COL25A1: variants seen among roughly 807,000 people sequenced by gnomAD.
COL25A1 encodes collagen alpha-1(XXV) chain.
COL25A1 carries 103 observed loss-of-function variants against 128.4 expected under a neutral mutation model. That is an observed-to-expected ratio of 0.80 (90% CI 0.68 to 0.94). The LOEUF is 0.94. COL25A1 is among the 40% of genes least tolerant of loss of function. COL25A1 has a pLI of 0.00. For synonymous variants in COL25A1, 279 were observed against 277.2 expected, an observed-to-expected ratio of 1.01 and a Z score of -0.06; for missense variants, 745 against 840.0, an observed-to-expected ratio of 0.89 and a Z score of 1.40.
At chr4:109,031,368 G>A (rs183697788) in intron 5 of COL25A1, among the ~76,000 whole-genome samples, 381 of 150,962 alleles carry the variant, frequency 2.5e-3, no homozygotes, top group Non-Finnish European at 4.7e-3. Context: ...CGCCCGCCTC[G>A]GCCTCCCAAA....
At chr4:109,054,491 A>G (rs967524422) in intron 3 of COL25A1, among the ~76,000 whole-genome samples, 3 of 152,194 alleles carry the variant, frequency 2.0e-5, no homozygotes, top group Non-Finnish European at 4.4e-5. Context: ...TTTCCGTGCT[A>G]TATTACTGTC....
Position 109,050,131 on chromosome 4 carries a change from T to A in COL25A1, c.412+4A>T. On this transcript the variant is annotated splice_donor_region_variant and intron_variant, in intron 4 of 37. Transcript: ENST00000399132. ...GACACAGAGCAGCTGAAAGAGAGAC[T>A]TACCAGATTCTCCTCTTCGGCCTCT... 1 of 1,608,946 alleles carries A rather than the reference T, an allele frequency of 6.2e-7. No individual in the cohort carries two copies. Among genetic ancestry groups the A allele is most frequent in the Non-Finnish European group, 8.5e-7 (1 of 1,176,634 alleles).
chr4:108,858,328 T>C (rs1736759943), intron 24 of COL25A1, among the ~76,000 whole-genome samples: 1 of 151,934 alleles, frequency 6.6e-6, no homozygotes, highest in African/African-American at 2.4e-5. Flanking sequence ...GTCAAGGAGC[T>C]GTTGCTGTAT....
chr4:109,060,385 C>A (rs566885137), intron 3 of COL25A1, among the ~76,000 whole-genome samples: 1 of 152,136 alleles, frequency 6.6e-6, no homozygotes, highest in African/African-American at 2.4e-5. Context: ...TCTTCCATGG[C>A]CCCCTTGACC....
chr4:109,088,948 G>A (rs530252838), intron 3 of COL25A1, among the ~76,000 whole-genome samples: 5 of 152,216 alleles, frequency 3.3e-5, no homozygotes, highest in Middle Eastern at 3.4e-3. Context: ...AATCAACCAC[G>A]TACAGCAAAG....
chr4:109,106,585 A>T (rs916323124), intron 3 of COL25A1, among the ~76,000 whole-genome samples: 3 of 152,104 alleles, frequency 2.0e-5, no homozygotes, highest in Non-Finnish European at 4.4e-5. Flanking sequence ...CAATGTGAGG[A>T]GTGTTATTCT....
At chr4:109,203,554 A>G (rs1056656078) in intron 3 of COL25A1, among the ~76,000 whole-genome samples, 2 of 152,126 alleles carry the variant, frequency 1.3e-5, no homozygotes, top group African/African-American at 4.8e-5. Context: ...CTAAGGCCAG[A>G]GACCACCAGT....
intron 8 of COL25A1, among the ~76,000 whole-genome samples, chr4:108,965,911 A>T (rs1202622425): frequency 6.6e-6 from 1 of 152,226 alleles, no homozygotes; most frequent in Non-Finnish European, 1.5e-5. Flanking sequence ...AGCAGAAAAC[A>T]AATTTCATCC....
chr4:109,288,830 G>A (rs567356430), intron 3 of COL25A1, among the ~76,000 whole-genome samples: 1 of 152,006 alleles, frequency 6.6e-6, no homozygotes, highest in African/African-American at 2.4e-5. Flanking sequence ...CAAACTCACA[G>A]GAACTGTCTT....
chr4:109,242,241 A>G (rs1050782973), intron 3 of COL25A1, among the ~76,000 whole-genome samples: 5 of 152,232 alleles, frequency 3.3e-5, no homozygotes, highest in African/African-American at 7.2e-5. Context: ...CATGTGTTTC[A>G]GAAACAGTCA....
chr4:109,041,869 G>C (rs1349658292), intron 5 of COL25A1, among the ~76,000 whole-genome samples: 1 of 152,062 alleles, frequency 6.6e-6, no homozygotes, highest in African/African-American at 2.4e-5. Context: ...CCTGCAAGGA[G>C]CCTTGCCCAT....
chr4:108,868,817 AAAGGAAGGAAGGAATG>A lies in COL25A1; in HGVS notation c.1083+255_1083+270del, dbSNP rs1254384049. On this transcript the variant is annotated intron_variant, in intron 20 of 37. Transcript: ENST00000399132. ...AAAGGAAGGAAGGAAAGAAGGAAGG[AAAGGAAGGAAGGAATG>A]AAGGAAGGAAGATAGGAAGGAAAGA... Among the ~76,000 whole-genome samples, 16 of 147,110 alleles carry A rather than the reference AAAGGAAGGAAGGAATG, an allele frequency of 1.1e-4. No individual in the cohort carries two copies. The South Asian group carries it at 3.3e-3, about 30-fold the overall frequency.
intron 8 of COL25A1, chr4:108,942,062 T>C: frequency 1.5e-6 from 1 of 682,548 alleles, no homozygotes; most frequent in Non-Finnish European, 2.6e-6. Context: ...TTGACCTCAA[T>C]GATGCAAGTG....
At chr4:109,118,309 A>C (rs1228775462) in intron 3 of COL25A1, among the ~76,000 whole-genome samples, 1 of 151,814 alleles carries the variant, frequency 6.6e-6, no homozygotes, top group African/African-American at 2.4e-5. Flanking sequence ...CCCAGTTAAT[A>C]ATAATATATT....
chr4:108,933,572 C>T (rs1181397169), intron 11 of COL25A1, among the ~76,000 whole-genome samples: 1 of 152,014 alleles, frequency 6.6e-6, no homozygotes, highest in Non-Finnish European at 1.5e-5. Flanking sequence ...TATTCTTAGC[C>T]CTTACATTTC....
intron 5 of COL25A1, among the ~76,000 whole-genome samples, chr4:109,013,045 G>A (rs529705608): frequency 6.6e-6 from 1 of 152,354 alleles, no homozygotes; most frequent in South Asian, 2.1e-4. Flanking sequence ...TCAGCACTCT[G>A]TATCTAGCTA....
intron 3 of COL25A1, among the ~76,000 whole-genome samples, chr4:109,133,665 T>C (rs1443191482): frequency 6.6e-6 from 1 of 152,186 alleles, no homozygotes; most frequent in African/African-American, 2.4e-5. Flanking sequence ...CTTAAATTAT[T>C]ACTGCAACAC....
chr4:108,962,694 C>A (rs1895744), intron 8 of COL25A1, among the ~76,000 whole-genome samples: 4 of 151,790 alleles, frequency 2.6e-5, no homozygotes, highest in African/African-American at 9.7e-5. Context: ...GTTCTTGGTA[C>A]GTGGAACTGT....
rs781674543 is a variant in COL25A1 at position 109,190,186 on chromosome 4, T to C, written c.367+110397A>G. On this transcript the variant is annotated intron_variant, in intron 3 of 37. Transcript: ENST00000399132. ...AAGAATGCAGAGCCAGCCTATTATT[T>C]TGGTATTTATTCCAAAGTAATTGGA... is the stretch of plus-strand genomic sequence containing the variant. 2.2e-4 allele frequency among the ~76,000 whole-genome samples: 34 copies of C among 152,290 alleles called. No individual in the cohort carries two copies. The Middle Eastern group carries it at 0.031, about 137-fold the overall frequency.
Sources: allele counts gnomAD v4.1 joint callset (sites outside exome capture counted in the v4.1 genomes callset), GRCh38; gene constraint gnomAD v4.1.1; transcripts MANE v1.5; gene names NCBI Gene and HGNC (gene_info 2026-07-23, HGNC 2026-07-21).